HELLS: variants seen among roughly 807,000 people sequenced by gnomAD.
HELLS encodes helicase, lymphoid specific.
In HELLS, 32 loss-of-function variants were observed where a neutral mutation model predicts 120.0. That is an observed-to-expected ratio of 0.27 (90% CI 0.20 to 0.36). HELLS has a LOEUF of 0.36. Among genes scored for constraint, HELLS ranks in the 10% least tolerant of loss-of-function variants. HELLS has a pLI of 1.00. For missense variants in HELLS, 650 were observed against 993.4 expected (o/e 0.65, Z 4.65); for synonymous variants, 341 against 323.4 (o/e 1.05, Z -0.58).
intron 3 of HELLS, among the ~76,000 whole-genome samples, chr10:94,555,428 C>G (rs931726583): frequency 1.3e-5 from 2 of 152,086 alleles, no homozygotes; most frequent in East Asian, 3.9e-4. Flanking sequence ...CAGAGTGAGA[C>G]CCTGCCTCAA....
Position 94,571,363 on chromosome 10 carries a change from T to G in HELLS, c.436-25T>G, listed in dbSNP as rs772618920. 3 of 1,430,914 alleles carry G rather than the reference T, an allele frequency of 2.1e-6. No individual in the cohort carries two copies. In the African/African-American group the frequency reaches 4.2e-5, roughly 20 times the overall value. 88.6% of individuals were successfully genotyped at this position (1,430,914 alleles called of 1,614,324 possible). A position where few individuals can be genotyped will look rare whatever the true frequency, so the allele number is the denominator to read the frequency against. On this transcript the variant is annotated intron_variant, in intron 6 of 21. Transcript: ENST00000348459. ...AAATGAACTTCATACATTATTAATT[T>G]GTTTTTGTTTTCTCAAACTACTAGG...
chr10:94,561,876 C>CAAT (rs1843571454), intron 4 of HELLS, among the ~76,000 whole-genome samples: 1 of 151,804 alleles, frequency 6.6e-6, no homozygotes, highest in African/African-American at 2.4e-5. Flanking sequence ...GAATTTCATT[C>CAAT]ACAATGAATA....
At chr10:94,610,535 C>T (rs986711955) in exon 10 of HELLS, 1 of 151,882 alleles carries the variant, frequency 6.6e-6, no homozygotes, top group Admixed American at 6.6e-5. Flanking sequence ...CAAAAACAAT[C>T]TTAGAAATCT....
intron 10 of HELLS, 88 bp from the exon 11 acceptor site, chr10:94,581,238 T>C: frequency 1.4e-6 from 1 of 720,794 alleles, no homozygotes; most frequent in East Asian, 2.7e-5. Flanking sequence ...CATCCATCCC[T>C]CATAATAGAG....
At chr10:94,586,221 C>T (rs529599292) in intron 12 of HELLS, among the ~76,000 whole-genome samples, 45 of 151,826 alleles carry the variant, frequency 3.0e-4, no homozygotes, top group African/African-American at 8.5e-4. Flanking sequence ...CCCGGGTTCA[C>T]GCTATTCTCC....
chr10:94,582,926 T>C (rs1488165742), intron 11 of HELLS, 37 bp from the exon 12 acceptor site: 2 of 1,106,778 alleles, frequency 1.8e-6, no homozygotes, highest in Non-Finnish European at 2.7e-6. Flanking sequence ...ATAATTGAAT[T>C]TATGTGATGG....
chr10:94,592,267 G>C lies in HELLS; in HGVS notation c.1806G>C (p.Leu602Phe). ...EELVTNSGKF[L>F]ILDRMLPELK... is the part of the protein sequence containing the mutation. ...TGGTAACAAATTCTGGGAAGTTCTT[G>C]ATTTTGGATCGAATGCTGCCAGAAC... The change falls in exon 16 of 22, where the codon TTG becomes TTC. Residue 602 changes from leucine to phenylalanine, a missense_variant. By Grantham distance (22) the Leu-to-Phe change is conservative (BLOSUM62 0). This residue lies in a region of HELLS where 191 missense variants were observed against 259.7 expected (regional missense o/e 0.74). Transcript: ENST00000348459. The C allele has an allele frequency of 1.2e-6, 2 of 1,612,434 alleles. No individual in the cohort carries two copies. The highest frequency in any genetic ancestry group is 1.7e-6 in the Non-Finnish European group (2 of 1,179,278).
At chr10:94,592,700 AT>A (rs1469884722) in intron 17 of HELLS, among the ~76,000 whole-genome samples, 186 bp downstream of exon 17, 1 of 152,100 alleles carries the variant, frequency 6.6e-6, no homozygotes, top group Non-Finnish European at 1.5e-5. Context: ...ATTCACAAAT[AT>A]ATATATCTTC....
chr10:94,559,869 C>G (rs1418331868), intron 4 of HELLS, among the ~76,000 whole-genome samples: 10 of 152,126 alleles, frequency 6.6e-5, no homozygotes, highest in Admixed American at 6.6e-4. Flanking sequence ...GAGACCCAAG[C>G]TTGTATTTTT....
chr10:94,585,123 G>A (rs536018373), intron 12 of HELLS, among the ~76,000 whole-genome samples: 3 of 151,280 alleles, frequency 2.0e-5, no homozygotes, highest in African/African-American at 4.8e-5. Flanking sequence ...TTTACTTTCC[G>A]TTTAAAGTTC....
intron 13 of HELLS, 146 bp downstream of exon 13, chr10:94,588,536 C>G: frequency 2.0e-6 from 1 of 498,322 alleles, no homozygotes; most frequent in Non-Finnish European, 3.4e-6. Context: ...CTTTACCTGC[C>G]TGGCTAAATT....
At chr10:94,601,478 T>G (rs1323925174) in intron 21 of HELLS, 50 bp from the exon 22 acceptor site, 1 of 989,998 alleles carries the variant, frequency 1.0e-6, no homozygotes, top group Non-Finnish European at 1.6e-6. Context: ...TTTTACGATT[T>G]CTTCTTCTTA....
chr10:94,553,249 T>TA (rs1272794834), intron 2 of HELLS, among the ~76,000 whole-genome samples: 1 of 151,604 alleles, frequency 6.6e-6, no homozygotes, highest in Non-Finnish European at 1.5e-5. Flanking sequence ...AAATTACACA[T>TA]ACCTTTTTTT....
rs1214540624 is a variant in HELLS at position 94,593,492 on chromosome 10, C to T, written c.1972-7C>T. ...ATCTGTTGTATTTACATCCTTTTTG[C>T]TTTTAGATGCACAGCTTCAACACGG... is the stretch of plus-strand genomic sequence containing the variant. On this transcript the variant is annotated splice_region_variant and splice_polypyrimidine_tract_variant and intron_variant, in intron 17 of 21. Coordinates refer to ENST00000348459, the MANE Select transcript of HELLS (RefSeq NM_018063.5). 5.7e-6 allele frequency: 9 copies of T among 1,572,064 alleles called. No homozygotes were observed. The Admixed American group carries it at 6.8e-5, about 12-fold the overall frequency.
At position 94,545,896 on chromosome 10, in the gene HELLS, C is replaced by A. The variant is rs1234823668; in HGVS notation, c.-26C>A. 1.3e-6 allele frequency: 2 copies of A among 1,552,562 alleles called. No individual in the cohort carries two copies. Among genetic ancestry groups the A allele is most frequent in the Admixed American group, 2.0e-5 (1 of 51,088 alleles). ...CATTGCAGGCTCTGAGAGGAGGGGACCCGGTTCCCGGGTGAGTGTCCAGGC... is the reference window on the plus strand; with the variant it reads ...CATTGCAGGCTCTGAGAGGAGGGGAACCGGTTCCCGGGTGAGTGTCCAGGC... On this transcript the variant is annotated 5_prime_UTR_variant, in exon 1 of 22. Coordinates refer to ENST00000348459, the MANE Select transcript of HELLS (RefSeq NM_018063.5).
downstream of HELLS, among the ~76,000 whole-genome samples, chr10:94,603,043 A>T (rs1328759702): frequency 6.6e-6 from 1 of 152,176 alleles, no homozygotes; most frequent in Non-Finnish European, 1.5e-5. Flanking sequence ...AAGAATCTTT[A>T]AAAGTTGTCA....
intron 9 of HELLS, among the ~76,000 whole-genome samples, chr10:94,608,918 A>G (rs188641177): frequency 1.7e-4 from 26 of 151,752 alleles, no homozygotes; most frequent in Middle Eastern, 6.9e-3. Context: ...CCAATAGCAT[A>G]AGCTACCGCA....
chr10:94,580,154 T>TAC (rs1313047576), intron 10 of HELLS, among the ~76,000 whole-genome samples: 1 of 48,134 alleles, frequency 2.1e-5, no homozygotes, highest in Non-Finnish European at 3.8e-5. Flanking sequence ...TATATATATA[T>TAC]ATATATATAC....
chr10:94,555,966 T>C (rs915866722), intron 3 of HELLS, among the ~76,000 whole-genome samples: 1 of 152,176 alleles, frequency 6.6e-6, no homozygotes, highest in Non-Finnish European at 1.5e-5. Context: ...CTTTAATGTT[T>C]CTTTGAGTTC....
Sources: gnomAD v4.1 joint callset for allele counts (sites outside exome capture counted in the v4.1 genomes callset) on GRCh38, gnomAD v4.1.1 for gene constraint, gnomAD v4.1.1 regional missense constraint, MANE v1.5 for transcripts, NCBI Gene and HGNC (gene_info 2026-07-23, HGNC 2026-07-21) for gene names.